DAAM2: variants seen among roughly 807,000 people sequenced by gnomAD.
The protein encoded by DAAM2 is dishevelled associated activator of morphogenesis 2.
In DAAM2, 39 loss-of-function variants were observed where a neutral mutation model predicts 120.7. The ratio of observed to expected loss-of-function variants is 0.32; its 90% CI spans 0.25 to 0.42. The LOEUF (loss-of-function observed/expected upper bound fraction) is 0.42, where lower values mean the gene tolerates loss of function less well. DAAM2 is among the 10% of genes least tolerant of loss of function. The probability of loss-of-function intolerance (pLI) is 1.00; values close to 1 mark genes in which losing one functional copy is unlikely to be tolerated. For synonymous variants in DAAM2, 488 were observed against 524.9 expected (o/e 0.93, Z 0.96); for missense variants, 1,283 against 1,401.7 (o/e 0.92, Z 1.35).
chr6:39,852,866 G>A (rs1582676511), intron 1 of DAAM2, among the ~76,000 whole-genome samples: 1 of 152,208 alleles, frequency 6.6e-6, no homozygotes, highest in South Asian at 2.1e-4. Flanking sequence ...AGGAGCGGGT[G>A]AGGAATTAGG....
At chr6:39,866,883 GA>G (rs1265425093) in intron 5 of DAAM2, among the ~76,000 whole-genome samples, 1 of 152,158 alleles carries the variant, frequency 6.6e-6, no homozygotes, top group East Asian at 1.9e-4. Context: ...CATCATTGAG[GA>G]AAATACTAAA....
intron 1 of DAAM2, among the ~76,000 whole-genome samples, chr6:39,835,454 T>A (rs1190582519): frequency 6.6e-6 from 1 of 152,216 alleles, no homozygotes; most frequent in East Asian, 1.9e-4. Flanking sequence ...CTCTATTTTT[T>A]CCTTATGACA....
At chr6:39,843,667 AGT>A (rs1241899250) in intron 1 of DAAM2, among the ~76,000 whole-genome samples, 1 of 152,168 alleles carries the variant, frequency 6.6e-6, no homozygotes, top group Non-Finnish European at 1.5e-5. Flanking sequence ...GGCCCTTCTG[AGT>A]GTGCCCAGCT....
At chr6:39,847,351 A>C (rs1763635844) in intron 1 of DAAM2, among the ~76,000 whole-genome samples, 1 of 152,054 alleles carries the variant, frequency 6.6e-6, no homozygotes, top group Admixed American at 6.5e-5. Context: ...GCACAGAAGA[A>C]AGCTGGAGGC....
At chr6:39,823,518 C>T (rs1762560657) in intron 1 of DAAM2, among the ~76,000 whole-genome samples, 1 of 152,178 alleles carries the variant, frequency 6.6e-6, no homozygotes, top group Non-Finnish European at 1.5e-5. Flanking sequence ...CAAACTTGCT[C>T]CTTTCTGGGC....
At chr6:39,884,167 T>TTTCC (rs1562052666) in intron 15 of DAAM2, 98 bp downstream of exon 15, 1 of 670,010 alleles carries the variant, frequency 1.5e-6, no homozygotes, top group African/African-American at 1.8e-5. Context: ...TTTCCTTTCC[T>TTTCC]TTCCTTCCTT....
intron 19 of DAAM2, among the ~76,000 whole-genome samples, chr6:39,893,392 C>G (rs1203087525): frequency 6.6e-6 from 1 of 152,070 alleles, no homozygotes; most frequent in Admixed American, 6.5e-5. Flanking sequence ...GAGGTGGGCA[C>G]CTGTAGTCCC....
chr6:39,878,136 TG>T lies in DAAM2; in HGVS notation c.1302-66del. 6.4e-7 allele frequency: 1 copy of T among 1,555,982 alleles called. No individual in the cohort carries two copies. Among genetic ancestry groups the T allele is most frequent in the Non-Finnish European group, 8.8e-7 (1 of 1,134,416 alleles). ...CCCCACCTGGAGGGTAGAAAGATGA[TG>T]TCTCCTGGGAAGCTGTGAATCAATG... is the stretch of plus-strand genomic sequence containing the variant. On this transcript the variant is annotated intron_variant, in intron 11 of 24. Coordinates refer to ENST00000274867, the MANE Select transcript of DAAM2 (RefSeq NM_001201427.2). This position sits in a 1 kb window ranked among gnomAD's most constrained non-coding sequence, Gnocchi z 5.0.
chr6:39,903,629 AC>A lies in DAAM2; in HGVS notation c.*1594del, dbSNP rs3215718. On this transcript the variant is annotated 3_prime_UTR_variant, in exon 25 of 25. Transcript: ENST00000274867. ...CCTTCCCTGTGTTTCTCACTTTCCA[AC>A]CTAATCCCTGGCTCAGGGTTATTGC... is the stretch of plus-strand genomic sequence containing the variant. The A allele has an allele frequency of 0.012, 1,943 of 156,358 alleles. 20 individuals are homozygous for A. Among genetic ancestry groups the A allele is most frequent in the East Asian group, 0.047 (250 of 5,330 alleles). The allele number at this position is 156,358 out of a possible 1,614,324, so 9.7% of individuals were successfully genotyped here.
In DAAM2 at chr6:39,894,203, G is replaced by A. The variant is rs76407019; in HGVS notation, c.2341+2481G>A. On this transcript the variant is annotated intron_variant, in intron 19 of 24. Coordinates refer to ENST00000274867, the MANE Select transcript of DAAM2 (RefSeq NM_001201427.2). ...TAAAATGTCAGAACTGCATCTGGGCGTTTTCCCATTTACACTGATTTCCTT... is the reference window on the plus strand; with the variant it reads ...TAAAATGTCAGAACTGCATCTGGGCATTTTCCCATTTACACTGATTTCCTT... Among the ~76,000 whole-genome samples, 13 of 152,076 alleles carry A rather than the reference G, an allele frequency of 8.5e-5. No homozygotes were observed. In the East Asian group the frequency reaches 1.9e-3, roughly 23 times the overall value.
chr6:39,872,027 C>T lies in DAAM2; in HGVS notation c.1044+455C>T, dbSNP rs562379211. 1.1e-3 allele frequency among the ~76,000 whole-genome samples: 172 copies of T among 152,160 alleles called. 2 individuals are homozygous for T. The highest frequency in any genetic ancestry group is 2.0e-3 in the Admixed American group (31 of 15,302). ...CCAAAAGAGGTAGACAGAAAATTCA[C>T]CTTTCCTTGGCCTTTTTGTTCTCTC... On this transcript the variant is annotated intron_variant, in intron 9 of 24. Transcript: ENST00000274867.
At chr6:39,888,424 C>T (rs1344130082) in intron 16 of DAAM2, 1 of 317,128 alleles carries the variant, frequency 3.2e-6, no homozygotes, top group Non-Finnish European at 6.0e-6. Flanking sequence ...CTCCCAAATG[C>T]CCCTATCAGC....
chr6:39,800,855 C>G (rs1761842214), intron 1 of DAAM2, among the ~76,000 whole-genome samples: 1 of 152,202 alleles, frequency 6.6e-6, no homozygotes, highest in South Asian at 2.1e-4. Context: ...CCCAGTGCTG[C>G]CTCCAACCTG....
intron 1 of DAAM2, among the ~76,000 whole-genome samples, chr6:39,824,201 C>T (rs994787660): frequency 6.6e-6 from 1 of 152,218 alleles, no homozygotes; most frequent in African/African-American, 2.4e-5. Flanking sequence ...CAGCCTCCCC[C>T]GCCCCCAGTT....
At chr6:39,871,363 G>A (rs945622615) in intron 8 of DAAM2, 143 bp from the exon 9 acceptor site, 9 of 742,832 alleles carry the variant, frequency 1.2e-5, no homozygotes, top group African/African-American at 3.5e-5. Flanking sequence ...TACAAACAGC[G>A]GCTTCTTTCC....
At chr6:39,886,301 T>C (rs3003941) in intron 15 of DAAM2, 231,466 of 397,604 alleles carry the variant, frequency 0.58, 68,455 homozygotes, top group East Asian at 0.73. Flanking sequence ...CTCACTGGGA[T>C]GAAGTGGACA....
At chr6:39,900,993 G>A (rs1443737233) in intron 23 of DAAM2, among the ~76,000 whole-genome samples, 2 of 152,116 alleles carry the variant, frequency 1.3e-5, no homozygotes, top group Non-Finnish European at 2.9e-5. Flanking sequence ...AGTTCTGCCA[G>A]CCTCTTCCTG....
intron 14 of DAAM2, among the ~76,000 whole-genome samples, chr6:39,880,667 T>G (rs942267960): frequency 6.6e-6 from 1 of 152,208 alleles, no homozygotes; most frequent in African/African-American, 2.4e-5. Flanking sequence ...AGTTTGCTCA[T>G]GTGTGAAATG....
In DAAM2 at chr6:39,878,745, C is replaced by T. The variant is rs1490805623; in HGVS notation, c.1545+157C>T. ...GATAGAAGAGACCCTTGAGGCTGTA[C>T]AGGTGGCATCTTTGTGTTAGAAAAA... On this transcript the variant is annotated intron_variant, in intron 13 of 24. Transcript: ENST00000274867. The surrounding 1 kb of genome is among the most constrained non-coding windows in gnomAD (Gnocchi z 5.0). Among the ~76,000 whole-genome samples, 1 of 152,180 alleles carries T rather than the reference C, an allele frequency of 6.6e-6. No homozygotes were observed. Among genetic ancestry groups the T allele is most frequent in the Non-Finnish European group, 1.5e-5 (1 of 68,030 alleles).
Sources: allele counts gnomAD v4.1 joint callset (sites outside exome capture counted in the v4.1 genomes callset), GRCh38; gene constraint gnomAD v4.1.1; non-coding constraint Gnocchi (gnomAD v3.1); transcripts MANE v1.5; gene names NCBI Gene and HGNC (gene_info 2026-07-23, HGNC 2026-07-21).